Variants in USP49 observed in about 807,000 individuals in gnomAD.
The protein encoded by USP49 is ubiquitin specific peptidase 49.
A neutral mutation model predicts 58.6 loss-of-function variants in USP49; 24 were observed. That is an observed-to-expected ratio of 0.41 (90% CI 0.30 to 0.58). The LOEUF is 0.58. Ranked by LOEUF, USP49 falls within the 20% of genes least tolerant of loss-of-function variation. The pLI is 0.30. For synonymous variants in USP49, 408 were observed against 365.1 expected (o/e 1.12, Z -1.34); for missense variants, 703 against 866.1 (o/e 0.81, Z 2.36).
At chr6:41,841,975 T>C (rs1033740416) in intron 3 of USP49, among the ~76,000 whole-genome samples, 13 of 152,048 alleles carry the variant, frequency 8.5e-5, no homozygotes, top group African/African-American at 3.1e-4. Flanking sequence ...GAAAATCACT[T>C]GAACCTGGGA....
rs1773132007 is a variant in USP49, at chr6:41,806,430, G to A, written c.554C>T (p.Ala185Val). Residue 185 changes from alanine (A) to valine (V), a missense_variant, in exon 4 of 8, where the codon GCG (alanine) becomes GTG (valine). This residue lies in a region of USP49 where 376 missense variants were observed against 373.5 expected (regional missense o/e 1.01). Coordinates refer to ENST00000682992, the MANE Select transcript of USP49 (RefSeq NM_001286554.2). The surrounding 1 kb of genome is among the most constrained non-coding windows in gnomAD (Gnocchi z 5.9). ...TTTCACCTCGCGCCGCCGCCTCCGC[G>A]CCTCCTCCTTCTTGCGCTCCAGGGC... ...EEALERKKEE[A>V]RRRRREVKRR... The A allele has an allele frequency of 3.8e-6, 6 of 1,581,796 alleles. No individual in the cohort carries two copies. Among genetic ancestry groups the A allele is most frequent in the Non-Finnish European group, 5.1e-6 (6 of 1,172,408 alleles).
intron 3 of USP49, among the ~76,000 whole-genome samples, chr6:41,845,789 T>C (rs1394546485): frequency 6.6e-6 from 1 of 152,216 alleles, no homozygotes; most frequent in East Asian, 1.9e-4. Flanking sequence ...AGGATTTTTA[T>C]CTTTCAAGAT....
intron 3 of USP49, among the ~76,000 whole-genome samples, chr6:41,848,817 T>C (rs1232581307): frequency 6.7e-6 from 1 of 150,164 alleles, no homozygotes; most frequent in East Asian, 2.0e-4. Flanking sequence ...ATCGCGCCAC[T>C]GCACTCCAGC....
At chr6:41,830,697 C>T (rs1773618149) in intron 3 of USP49, among the ~76,000 whole-genome samples, 1 of 151,884 alleles carries the variant, frequency 6.6e-6, no homozygotes, top group South Asian at 2.1e-4. Context: ...CATGGTGGTG[C>T]ATACCTGTAA....
chr6:41,817,443 G>A (rs1396138294), intron 3 of USP49, among the ~76,000 whole-genome samples: 3 of 143,384 alleles, frequency 2.1e-5, no homozygotes, highest in Non-Finnish European at 4.5e-5. Flanking sequence ...ACCACGCTCG[G>A]CCTTTCTTTC....
At chr6:41,883,267 T>C (rs889842497) in intron 2 of USP49, among the ~76,000 whole-genome samples, 3 of 150,090 alleles carry the variant, frequency 2.0e-5, no homozygotes, top group Non-Finnish European at 3.0e-5. Flanking sequence ...GGCAGGAGAA[T>C]TGCTTGAACC....
At chr6:41,810,265 G>A (rs1773230956) in intron 3 of USP49, among the ~76,000 whole-genome samples, 1 of 151,776 alleles carries the variant, frequency 6.6e-6, no homozygotes, top group Admixed American at 6.5e-5. Context: ...CGGATCACCT[G>A]AGGTCAGGAG....
At chr6:41,874,249 G>A (rs968819041) in intron 2 of USP49, 4 of 152,086 alleles carry the variant, frequency 2.6e-5, no homozygotes, top group Admixed American at 6.6e-5. Flanking sequence ...ACTGGTGTAG[G>A]GATTAAATGA....
intron 2 of USP49, chr6:41,887,451 C>T (rs1255646765): frequency 6.6e-6 from 1 of 152,188 alleles, no homozygotes; most frequent in Non-Finnish European, 1.5e-5. Flanking sequence ...CCAAATCCCA[C>T]AACACAACGT....
rs915882506 is a variant in USP49 at position 41,795,684 on chromosome 6, GA to G, written c.*848del. 6.6e-6 allele frequency: 1 copy of G among 152,234 alleles called. No homozygotes were observed. The highest frequency in any genetic ancestry group is 2.4e-5 in the African/African-American group (1 of 41,454). 9.4% of individuals were successfully genotyped at this position (152,234 alleles called of 1,614,324 possible). A position where few individuals can be genotyped will look rare whatever the true frequency, so the allele number is the denominator to read the frequency against. Reference sequence around the variant, plus strand: ...CTGCCCACCCTCAATTGAGTTCTGAGAAAACCTAAGAATCAATTTAAACCAA... The same window carrying G: ...CTGCCCACCCTCAATTGAGTTCTGAGAAACCTAAGAATCAATTTAAACCAA... On this transcript the variant is annotated 3_prime_UTR_variant, in exon 8 of 8. Coordinates refer to ENST00000682992, the MANE Select transcript of USP49 (RefSeq NM_001286554.2).
intron 3 of USP49, among the ~76,000 whole-genome samples, chr6:41,821,423 G>A (rs1234026551): frequency 6.6e-6 from 1 of 152,168 alleles, no homozygotes; most frequent in Non-Finnish European, 1.5e-5. Context: ...CTGTTGAAAT[G>A]CCCTTGCTTA....
At chr6:41,857,228 T>A (rs1446811118) in intron 3 of USP49, among the ~76,000 whole-genome samples, 1 of 152,190 alleles carries the variant, frequency 6.6e-6, no homozygotes, top group Admixed American at 6.5e-5. Flanking sequence ...TATTTACTCA[T>A]CTACCTAAAA....
chr6:41,860,620 G>T (rs1471157837), intron 3 of USP49, among the ~76,000 whole-genome samples: 3 of 151,910 alleles, frequency 2.0e-5, no homozygotes, highest in Non-Finnish European at 2.9e-5. Flanking sequence ...TGATTCCCCT[G>T]CCTCAGCCTC....
intron 3 of USP49, among the ~76,000 whole-genome samples, chr6:41,862,511 T>C (rs1424661990): frequency 6.6e-6 from 1 of 152,202 alleles, no homozygotes; most frequent in Admixed American, 6.5e-5. Flanking sequence ...CTAAAAATAT[T>C]TTGTGTTCTA....
At chr6:41,834,381 C>G (rs1483010983) in intron 3 of USP49, among the ~76,000 whole-genome samples, 1 of 152,128 alleles carries the variant, frequency 6.6e-6, no homozygotes, top group Non-Finnish European at 1.5e-5. Context: ...CATATCTTCT[C>G]TAGTCCTAAA....
Position 41,828,961 on chromosome 6 carries a change from C to T in USP49, c.-28-21950G>A, listed in dbSNP as rs148924887. Among the ~76,000 whole-genome samples, 36 of 152,226 alleles carry T rather than the reference C, an allele frequency of 2.4e-4. No individual in the cohort carries two copies. In the East Asian group the frequency reaches 5.2e-3, roughly 22 times the overall value. ...ACCTCTTTATTATATGAAGTCCTCC[C>T]ATCCATGAACATGCTATCTCTCTGT... is the stretch of plus-strand genomic sequence containing the variant. On this transcript the variant is annotated intron_variant, in intron 3 of 7. Transcript: ENST00000682992.
chr6:41,800,288 T>C (rs1772975231), intron 5 of USP49, among the ~76,000 whole-genome samples: 1 of 152,168 alleles, frequency 6.6e-6, no homozygotes, highest in African/African-American at 2.4e-5. Flanking sequence ...AGTCTTGCAA[T>C]GGGATAGTAA....
intron 3 of USP49, among the ~76,000 whole-genome samples, chr6:41,840,437 AC>A (rs1313071294): frequency 6.6e-6 from 1 of 152,118 alleles, no homozygotes; most frequent in Non-Finnish European, 1.5e-5. Context: ...TTGGAAGAAC[AC>A]AATAATGGTA....
At chr6:41,834,109 A>G (rs775618625) in intron 3 of USP49, among the ~76,000 whole-genome samples, 3 of 152,216 alleles carry the variant, frequency 2.0e-5, no homozygotes, top group Non-Finnish European at 4.4e-5. Flanking sequence ...AATTTGTCCT[A>G]TTTAAAGTTC....
Sources: gnomAD v4.1 joint callset for allele counts (sites outside exome capture counted in the v4.1 genomes callset) on GRCh38, gnomAD v4.1.1 for gene constraint, gnomAD v4.1.1 regional missense constraint, Gnocchi (gnomAD v3.1) non-coding constraint, MANE v1.5 for transcripts, NCBI Gene and HGNC (gene_info 2026-07-23, HGNC 2026-07-21) for gene names.